The following ZNF215 variants were observed in gnomAD, a reference collection of about 807,000 sequenced individuals.
ZNF215 encodes the protein zinc finger protein 215.
ZNF215 carries 24 observed loss-of-function variants against 27.2 expected under a neutral mutation model. That is an observed-to-expected ratio of 0.88 (90% CI 0.64 to 1.24). ZNF215 has a LOEUF of 1.24. Ranked by LOEUF, ZNF215 falls within the 50% of genes most tolerant of loss-of-function variation. The pLI is 0.00. For missense variants in ZNF215, 675 were observed against 605.7 expected (o/e 1.11, Z -1.20); for synonymous variants, 210 against 204.0 (o/e 1.03, Z -0.25).
chr11:6,945,275 C>A (rs1485839803), intron 6 of ZNF215, among the ~76,000 whole-genome samples: 1 of 152,122 alleles, frequency 6.6e-6, no homozygotes, highest in Non-Finnish European at 1.5e-5. Flanking sequence ...TTGTCCCTAC[C>A]TTTTCTCACT....
intron 6 of ZNF215, among the ~76,000 whole-genome samples, chr11:6,944,477 A>G: frequency 6.6e-6 from 1 of 150,630 alleles, no homozygotes; most frequent in Non-Finnish European, 1.5e-5. Context: ...CTGGCCTCAA[A>G]CTCCTGAGCT....
At chr11:6,963,421 T>C (rs1476703231) in intron 5 of ZNF215, among the ~76,000 whole-genome samples, 3 of 152,076 alleles carry the variant, frequency 2.0e-5, no homozygotes, top group Non-Finnish European at 4.4e-5. Context: ...AAATTGCTAT[T>C]AAAATATGGT....
rs201689139 is a variant in ZNF215 at position 6,955,981 on chromosome 11, A to G, written c.1004A>G (p.Asp335Gly). 5.6e-6 allele frequency: 9 copies of G among 1,612,952 alleles called. No homozygotes were observed. The highest frequency in any genetic ancestry group is 2.2e-5 in the East Asian group (1 of 44,874). ...IPSRKGSPKCDKFKTYFKFNL... is the reference protein window; with the variant it reads ...IPSRKGSPKCGKFKTYFKFNL... The stretch of plus-strand genomic sequence containing the variant: ...TCAAGAAAGGGGTCTCCAAAATGTG[A>G]TAAGTTTAAAACTTACTTCAAATTT... The change falls in exon 7 of 7, where the codon GAT (aspartate) becomes GGT (glycine). Residue 335 changes from aspartate (D) to glycine (G), a missense_variant. Physicochemically the swap from Asp to Gly is moderately conservative, Grantham distance 94 (BLOSUM62 -1). Coordinates refer to ENST00000278319, the MANE Select transcript of ZNF215 (RefSeq NM_013250.4).
intron 5 of ZNF215, among the ~76,000 whole-genome samples, chr11:6,976,943 G>A (rs1476909396): frequency 6.6e-6 from 1 of 152,010 alleles, no homozygotes; most frequent in Non-Finnish European, 1.5e-5. Context: ...GCAGCATCGT[G>A]CTGTCTCTAG....
rs774518431 is a variant in ZNF215, at chr11:6,955,717, C to A, written c.740C>A (p.Ser247Ter). ...FDMKSISGEE[S>*]SHGVIMTRLT... is the part of the protein sequence containing the mutation. ...ATGAAGAGTATTTCTGGAGAAGAAT[C>A]ATCCCATGGAGTGATTATGACAAGG... The change falls in exon 7 of 7, where the codon TCA (serine) becomes TAA (stop). Residue 247 changes from serine (S) to a stop codon, truncating the protein, a stop_gained. Coordinates refer to ENST00000278319, the MANE Select transcript of ZNF215 (RefSeq NM_013250.4). LOFTEE classifies it low-confidence loss of function (END_TRUNC). 6.4e-7 allele frequency: 1 copy of A among 1,563,440 alleles called. No homozygotes were observed. The highest frequency in any genetic ancestry group is 8.6e-7 in the Non-Finnish European group (1 of 1,160,050).
At chr11:6,972,077 C>T (rs1332775916) in intron 5 of ZNF215, among the ~76,000 whole-genome samples, 1 of 152,054 alleles carries the variant, frequency 6.6e-6, no homozygotes, top group Non-Finnish European at 1.5e-5. Context: ...GACTACTCAT[C>T]TAGAACCTTG....
chr11:6,991,647 A>G (rs1410780506), downstream of ZNF215, among the ~76,000 whole-genome samples: 1 of 152,188 alleles, frequency 6.6e-6, no homozygotes, highest in East Asian at 1.9e-4. Context: ...AAACTAAACA[A>G]TGCTTTAGAA....
chr11:6,993,444 A>G (rs532686208), downstream of ZNF215, among the ~76,000 whole-genome samples: 44 of 152,284 alleles, frequency 2.9e-4, no homozygotes, highest in Non-Finnish European at 5.0e-4. Context: ...CACTATGCTT[A>G]TGCAGTAAGA....
At chr11:6,970,664 A>G (rs934912573) in intron 5 of ZNF215, among the ~76,000 whole-genome samples, 8 of 152,210 alleles carry the variant, frequency 5.3e-5, no homozygotes, top group African/African-American at 1.4e-4. Context: ...GTGGGCATTC[A>G]TTATACTGTT....
chr11:6,980,235 A>T (rs1590087950), intron 5 of ZNF215, among the ~76,000 whole-genome samples: 1 of 152,210 alleles, frequency 6.6e-6, no homozygotes, highest in East Asian at 1.9e-4. Flanking sequence ...AAAAATTAAA[A>T]ATACAGCTTA....
chr11:6,980,068 G>A (rs909785389), intron 5 of ZNF215, among the ~76,000 whole-genome samples: 13 of 152,154 alleles, frequency 8.5e-5, no homozygotes, highest in South Asian at 4.1e-4. Flanking sequence ...CCCAATGATC[G>A]GTGGTTCAGG....
At chr11:6,934,332 A>G (rs1346467498) in intron 3 of ZNF215, among the ~76,000 whole-genome samples, 6 of 152,212 alleles carry the variant, frequency 3.9e-5, no homozygotes, top group Non-Finnish European at 8.8e-5. Flanking sequence ...TTTGAGGTTT[A>G]GTTTGAGCAG....
At chr11:6,981,889 T>C (rs1353115251) in intron 5 of ZNF215, among the ~76,000 whole-genome samples, 1 of 152,140 alleles carries the variant, frequency 6.6e-6, no homozygotes, top group African/African-American at 2.4e-5. Flanking sequence ...TGCTTGTTTT[T>C]CTCAGGTTTG....
At chr11:6,965,818 A>G in intron 5 of ZNF215, among the ~76,000 whole-genome samples, 1 of 152,118 alleles carries the variant, frequency 6.6e-6, no homozygotes, top group East Asian at 1.9e-4. Flanking sequence ...TATATAGTCA[A>G]TCATGTCATC....
chr11:6,982,776 A>G (rs1337377404), intron 5 of ZNF215, among the ~76,000 whole-genome samples: 6 of 152,088 alleles, frequency 3.9e-5, no homozygotes, highest in Non-Finnish European at 7.4e-5. Context: ...AGGGAAACTT[A>G]TAGCACTAAA....
chr11:6,963,086 C>G (rs1564970629), intron 5 of ZNF215, among the ~76,000 whole-genome samples: 1 of 152,092 alleles, frequency 6.6e-6, no homozygotes, highest in African/African-American at 2.4e-5. Flanking sequence ...ACTCATCCAT[C>G]TTTCCTGGGC....
chr11:6,945,858 A>G (rs1192551266), intron 6 of ZNF215, among the ~76,000 whole-genome samples: 1 of 152,206 alleles, frequency 6.6e-6, no homozygotes, highest in Non-Finnish European at 1.5e-5. Context: ...TAGGATTTAC[A>G]GATGTATATC....
At chr11:6,928,746 T>C (rs1236200755) in intron 2 of ZNF215, among the ~76,000 whole-genome samples, 2 of 152,222 alleles carry the variant, frequency 1.3e-5, no homozygotes, top group African/African-American at 2.4e-5. Flanking sequence ...TCTCCATTTA[T>C]GTTACTTTCA....
chr11:6,949,271 G>A (rs1849952797), intron 6 of ZNF215, among the ~76,000 whole-genome samples: 3 of 152,062 alleles, frequency 2.0e-5, no homozygotes, highest in Admixed American at 1.3e-4. Flanking sequence ...CCCAGTAATG[G>A]GATGGCTGGG....
Sources: allele counts gnomAD v4.1 joint callset (sites outside exome capture counted in the v4.1 genomes callset), GRCh38; gene constraint gnomAD v4.1.1; transcripts MANE v1.5; gene names NCBI Gene and HGNC (gene_info 2026-07-23, HGNC 2026-07-21).